The following RASIP1 variants were observed in gnomAD, a reference collection of about 807,000 sequenced individuals.
RASIP1 encodes Ras interacting protein 1.
In RASIP1, 20 loss-of-function variants were observed where a neutral mutation model predicts 85.3. That is an observed-to-expected ratio of 0.23 (90% confidence interval 0.17 to 0.34). The LOEUF is 0.34. Among genes scored for constraint, RASIP1 ranks in the 10% least tolerant of loss-of-function variants. The pLI is 1.00. For synonymous variants in RASIP1, 617 were observed against 647.1 expected, an observed-to-expected ratio of 0.95 and a Z score of 0.71; for missense variants, 1,170 against 1,390.9, an observed-to-expected ratio of 0.84 and a Z score of 2.53.
chr19:48,727,270 G>T, intron 6 of RASIP1, 112 bp from the exon 7 acceptor site: 1 of 1,546,302 alleles, frequency 6.5e-7, no homozygotes, highest in Non-Finnish European at 8.8e-7. Context: ...TGCGCAGCTG[G>T]AAAAGTTGAG....
chr19:48,727,284 A>G (rs1262744029), intron 6 of RASIP1, 109 bp downstream of exon 6: 18 of 1,544,092 alleles, frequency 1.2e-5, no homozygotes, highest in Non-Finnish European at 1.5e-5. Flanking sequence ...AGTTGAGCGC[A>G]AGGAGAAGCA....
intron 5 of RASIP1, among the ~76,000 whole-genome samples, chr19:48,728,085 G>T (rs1158656435): frequency 1.3e-5 from 2 of 151,926 alleles, no homozygotes; most frequent in Non-Finnish European, 2.9e-5. Flanking sequence ...GCTCCTTCAG[G>T]TCCTCTTCTC....
At chr19:48,730,995 C>T (rs1161544233) in intron 4 of RASIP1, among the ~76,000 whole-genome samples, 1 of 152,002 alleles carries the variant, frequency 6.6e-6, no homozygotes, top group Non-Finnish European at 1.5e-5. Context: ...CCAGCCTGGG[C>T]AACAGAGTGA....
chr19:48,734,188 G>A (rs1468237189), intron 4 of RASIP1, among the ~76,000 whole-genome samples: 8 of 151,400 alleles, frequency 5.3e-5, no homozygotes, highest in Non-Finnish European at 8.9e-5. Flanking sequence ...CCAGCTACTC[G>A]GGAGGCTGAG....
intron 3 of RASIP1, among the ~76,000 whole-genome samples, chr19:48,735,790 C>T (rs539115344): frequency 6.7e-6 from 1 of 148,876 alleles, no homozygotes; most frequent in South Asian, 2.6e-4. Flanking sequence ...ATCATTTGTT[C>T]TTCTTTTTTT....
At position 48,727,092 on chromosome 19, in the gene RASIP1, G is replaced by A; in HGVS notation, c.1938C>T (p.Leu646=). The change falls in exon 7 of 12, where the codon CTC becomes CTT. Residue 646 remains leucine (L), a synonymous_variant. Transcript: ENST00000222145. ...CCGTGGTGTTGGCCATCCACAGCAT[G>A]AGTGGCCGCAGCTCCACAGACACAG... ...PEAVSVELRP[L]MLWMANTTEL... The A allele has an allele frequency of 6.2e-7, 1 of 1,614,210 alleles. No homozygotes were observed. Among genetic ancestry groups the A allele is most frequent in the Non-Finnish European group, 8.5e-7 (1 of 1,180,052 alleles).
chr19:48,724,883 C>G lies in RASIP1; in HGVS notation c.2205G>C (p.Ala735=), dbSNP rs34043113. 47,638 of 1,614,234 alleles carry G rather than the reference C, an allele frequency of 0.03. 822 individuals carry two copies. The highest frequency in any genetic ancestry group is 0.035 in the Non-Finnish European group (41,017 of 1,180,034). ...ATCCTGGAGGCATGGCCCCCAGCTC[C>G]GCGCCAGGCCCCGGCAGCTCTGCAC... ...TAGAELPGPG[A]ELGAMPPGLR... Residue 735 remains alanine, a synonymous_variant, in exon 9 of 12, where the codon GCG becomes GCC. Coordinates refer to ENST00000222145, the MANE Select transcript of RASIP1 (RefSeq NM_017805.3). This position sits in a 1 kb window ranked among gnomAD's most constrained non-coding sequence, Gnocchi z 4.6.
intron 3 of RASIP1, among the ~76,000 whole-genome samples, chr19:48,735,874 C>T (rs1414005461): frequency 6.6e-6 from 1 of 151,810 alleles, no homozygotes; most frequent in Non-Finnish European, 1.5e-5. Flanking sequence ...CGGCTCACTG[C>T]AACCTCTGCC....
Position 48,737,717 on chromosome 19 carries a change from T to A in RASIP1, c.823+1243A>T, listed in dbSNP as rs553872907. On this transcript the variant is annotated intron_variant, in intron 3 of 11. Transcript: ENST00000222145. ...CAACCTACTTGGCAGAGCTGCCTCC[T>A]ACCACAGAGACCCATGCTCACCACA... 2.5e-4 allele frequency: 248 copies of A among 985,320 alleles called. 1 individual carries two copies. In the African/African-American group the frequency reaches 4.0e-3, roughly 16 times the overall value. The allele number at this position is 985,320 out of a possible 1,614,324, so 61.0% of individuals were successfully genotyped here.
Position 48,724,422 on chromosome 19 carries a change from C to G in RASIP1, c.2459G>C (p.Gly820Ala). Reference sequence around the variant, plus strand: ...GAACTCAGTGGCAATGTCGCCCAGCCCAGCTCCCTGTAGCCAGTCCAAGAC... The same window carrying G: ...GAACTCAGTGGCAATGTCGCCCAGCGCAGCTCCCTGTAGCCAGTCCAAGAC... The part of the protein sequence containing the change: ...DLVLDWLQGA[G>A]LGDIATEFFR... Residue 820 changes from glycine (G) to alanine (A), a missense_variant, in exon 10 of 12, where the codon GGG becomes GCG. By Grantham distance (60) the Gly-to-Ala change is moderately conservative. This residue lies in a region of RASIP1 where 426 missense variants were observed against 576.2 expected (regional missense o/e 0.74). Transcript: ENST00000222145. The surrounding 1 kb of genome is among the most constrained non-coding windows in gnomAD (Gnocchi z 4.6). 6.2e-7 allele frequency: 1 copy of G among 1,614,154 alleles called. No homozygotes were observed. Among genetic ancestry groups the G allele is most frequent in the Non-Finnish European group, 8.5e-7 (1 of 1,180,020 alleles).
chr19:48,721,911 G>A lies in RASIP1; in HGVS notation c.2635C>T (p.Arg879Cys), dbSNP rs1239053419. ...LLSHYQLGPG[R>C]GPPAAWDPPP... ...GGGTCCCACGCGGCTGGCGGCCCGC[G>A]GCCAGGGCCCAGCTGATAGTGGCTG... is the stretch of plus-strand genomic sequence containing the variant. Residue 879 changes from arginine to cysteine, a missense_variant, in exon 11 of 12, where the codon CGC (arginine) becomes TGC (cysteine). Around this residue, in one of 4 missense-constraint regions of RASIP1, gnomAD observed 144 missense variants for 125.5 expected, o/e 1.15. Coordinates refer to ENST00000222145, the MANE Select transcript of RASIP1 (RefSeq NM_017805.3). The A allele has an allele frequency of 1.0e-5, 16 of 1,603,512 alleles. No individual in the cohort carries two copies. The highest frequency in any genetic ancestry group is 2.3e-5 in the East Asian group (1 of 43,852).
Position 48,735,430 on chromosome 19 carries a change from C to A in RASIP1, c.945G>T (p.Lys315Asn). Residue 315 changes from lysine to asparagine, a missense_variant, in exon 4 of 12, where the codon AAG (lysine) becomes AAT (asparagine). By Grantham distance (94) the Lys-to-Asn change is moderately conservative. Around this residue, in one of 4 missense-constraint regions of RASIP1, gnomAD observed 301 missense variants for 294.8 expected, o/e 1.02. Transcript: ENST00000222145. The part of the protein sequence containing the change: ...GSGAPAGSGG[K>N]ERSENLSLRR... ...GCAAAGACAAGTTTTCTGAGCGCTC[C>A]TTGCCTCCAGACCCAGCTGGGGCCC... is the stretch of plus-strand genomic sequence containing the variant. 6.2e-7 allele frequency: 1 copy of A among 1,608,542 alleles called. No homozygotes were observed.
rs1279030083 is a variant in RASIP1, at chr19:48,739,822, G to GA, written c.138-178dup. The stretch of plus-strand genomic sequence containing the variant: ...GACAGACGCGAGGCAAAGAGAGAGA[G>GA]AAAAAATAAATAAATAAAGGCAAGT... On this transcript the variant is annotated intron_variant, in intron 2 of 11. Transcript: ENST00000222145. This position sits in a 1 kb window ranked among gnomAD's most constrained non-coding sequence, Gnocchi z 9.2. Among the ~76,000 whole-genome samples the GA allele has an allele frequency of 1.3e-5, 2 of 152,026 alleles. No individual in the cohort carries two copies. The highest frequency in any genetic ancestry group is 1.5e-5 in the Non-Finnish European group (1 of 67,986).
rs2033396586 is a variant in RASIP1 at position 48,729,058 on chromosome 19, G to A, written c.1712C>T (p.Pro571Leu). The A allele has an allele frequency of 4.3e-6, 6 of 1,393,826 alleles. No individual in the cohort carries two copies. The South Asian group carries it at 6.2e-5, about 14-fold the overall frequency. 86.3% of individuals were successfully genotyped at this position (1,393,826 alleles called of 1,614,324 possible). The change falls in exon 5 of 12, where the codon CCG becomes CTG. Residue 571 changes from proline (P) to leucine (L), a missense_variant. Around this residue, in one of 4 missense-constraint regions of RASIP1, gnomAD observed 426 missense variants for 576.2 expected, o/e 0.74. Coordinates refer to ENST00000222145, the MANE Select transcript of RASIP1 (RefSeq NM_017805.3). ...RAAAAGSGDL[P>L]PLGPATLLAL... ...CAGCAGCGTGGCGGGCCCGAGGGGC[G>A]GCAGGTCTCCCGAGCCGGCGGCTGC... is the stretch of plus-strand genomic sequence containing the variant.
At chr19:48,733,791 C>T (rs1568481042) in intron 4 of RASIP1, among the ~76,000 whole-genome samples, 1 of 141,964 alleles carries the variant, frequency 7.0e-6, no homozygotes, top group Non-Finnish European at 1.5e-5. Flanking sequence ...GGGTGACAGA[C>T]TGAGAATCCA....
chr19:48,731,694 AC>A (rs761926155), intron 4 of RASIP1, among the ~76,000 whole-genome samples: 1 of 152,216 alleles, frequency 6.6e-6, no homozygotes, highest in Non-Finnish European at 1.5e-5. Flanking sequence ...CCCCTTCTAC[AC>A]TAAATTCTAC....
intron 3 of RASIP1, chr19:48,737,701 T>A: frequency 1.0e-6 from 1 of 985,364 alleles, no homozygotes; most frequent in Non-Finnish European, 1.2e-6. Context: ...TCAACCTACT[T>A]GGCAGAGCTG....
At chr19:48,737,395 C>T in intron 3 of RASIP1, 9 of 934,316 alleles carry the variant, frequency 9.6e-6, no homozygotes, top group Non-Finnish European at 1.1e-5. Flanking sequence ...TTTCAATGCG[C>T]CAGGCCCCAC....
chr19:48,735,689 C>T, intron 3 of RASIP1, 138 bp from the exon 4 acceptor site: 1 of 837,112 alleles, frequency 1.2e-6, no homozygotes, highest in Non-Finnish European at 1.8e-6. Flanking sequence ...TTTGCATATT[C>T]TGTTCCCTGT....
Sources: gnomAD v4.1 joint callset for allele counts (sites outside exome capture counted in the v4.1 genomes callset) on GRCh38, gnomAD v4.1.1 for gene constraint, gnomAD v4.1.1 regional missense constraint, Gnocchi (gnomAD v3.1) non-coding constraint, MANE v1.5 for transcripts, NCBI Gene and HGNC (gene_info 2026-07-23, HGNC 2026-07-21) for gene names.